EBF1: variants seen among roughly 807,000 people sequenced by gnomAD.
EBF1 encodes transcription factor COE1.
Under a neutral mutation model 68.4 loss-of-function variants are expected in EBF1, and 10 were observed. That is an observed-to-expected ratio of 0.15 (90% CI 0.09 to 0.25). The LOEUF (loss-of-function observed/expected upper bound fraction) is 0.25, where lower values mean the gene tolerates loss of function less well. Among genes scored for constraint, EBF1 ranks in the 10% least tolerant of loss-of-function variants. The probability of loss-of-function intolerance (pLI) is 1.00; values close to 1 mark genes in which losing one functional copy is unlikely to be tolerated. For missense variants in EBF1, 509 were observed against 794.4 expected, an observed-to-expected ratio of 0.64 and a Z score of 4.32; for synonymous variants, 298 against 299.8, an observed-to-expected ratio of 0.99 and a Z score of 0.06.
rs3220206 is a variant in EBF1, at chr5:158,775,745, A to AACACAC, written c.1036+1662_1036+1667dup. Reference sequence around the variant, plus strand: ...TGCAGCCCCATAATGAGACTTGTAAAACACACACACACACACACACACACA... The same window carrying AACACAC: ...TGCAGCCCCATAATGAGACTTGTAAAACACACACACACACACACACACACACACACA... On this transcript the variant is annotated intron_variant, in intron 10 of 15. Transcript: ENST00000313708. Among the ~76,000 whole-genome samples the AACACAC allele has an allele frequency of 2.9e-3, 398 of 137,692 alleles. 1 individual carries two copies. The highest frequency in any genetic ancestry group is 4.0e-3 in the Non-Finnish European group (258 of 64,700). 90.3% of individuals were successfully genotyped at this position (137,692 alleles called of 152,430 possible). A position where few individuals can be genotyped will look rare whatever the true frequency, so the allele number is the denominator to read the frequency against.
At chr5:158,947,273 C>T (rs1211157224) in intron 6 of EBF1, among the ~76,000 whole-genome samples, 1 of 152,098 alleles carries the variant, frequency 6.6e-6, no homozygotes, top group Non-Finnish European at 1.5e-5. Context: ...TCGGTGTCTA[C>T]CCAAAGGGCC....
In EBF1 at chr5:158,858,880, G is replaced by A. The variant is rs562650563; in HGVS notation, c.555-18770C>T. Among the ~76,000 whole-genome samples, 130 of 152,258 alleles carry A rather than the reference G, an allele frequency of 8.5e-4. 2 individuals are homozygous for A. The highest frequency in any genetic ancestry group is 1.4e-3 in the Non-Finnish European group (98 of 68,006). On this transcript the variant is annotated intron_variant, in intron 6 of 15. Transcript: ENST00000313708. Reference sequence around the variant, plus strand: ...GGGAAGGTAAAGCCCTCCTAATGAGGTCAGGGGTGGGGCCGGGTGAGTGAC... The same window carrying A: ...GGGAAGGTAAAGCCCTCCTAATGAGATCAGGGGTGGGGCCGGGTGAGTGAC...
chr5:158,870,905 C>A (rs1279695139), intron 6 of EBF1, among the ~76,000 whole-genome samples: 2 of 152,144 alleles, frequency 1.3e-5, no homozygotes, highest in Admixed American at 1.3e-4. Flanking sequence ...CTTGATGAAA[C>A]AAGATAGCTG....
chr5:158,713,142 G>C lies in EBF1; in HGVS notation c.1197C>G (p.Ile399Met). The change falls in exon 13 of 16, where the codon ATC (isoleucine) becomes ATG (methionine). Residue 399 changes from isoleucine (I) to methionine (M), a missense_variant. This residue lies in a region of EBF1 where 230 missense variants were observed against 467.7 expected (regional missense o/e 0.49). Transcript: ENST00000313708. ...CAATGTCGGCCGCTCTCTTCAGAAT[G>C]ATTTCCTGAAAAGTCAAAGGAATAT... The part of the protein sequence containing the change: ...LYGMPHNNQE[I>M]ILKRAADIAE... 1 of 1,470,408 alleles carries C rather than the reference G, an allele frequency of 6.8e-7. No individual in the cohort carries two copies. Among genetic ancestry groups the C allele is most frequent in the Non-Finnish European group, 9.1e-7 (1 of 1,102,016 alleles). The allele number at this position is 1,470,408 out of a possible 1,614,324, so 91.1% of individuals were successfully genotyped here.
chr5:158,903,961 C>T (rs1804002533), intron 6 of EBF1, among the ~76,000 whole-genome samples: 1 of 151,936 alleles, frequency 6.6e-6, no homozygotes. Context: ...GTAAAAGACC[C>T]GGTAATCTAG....
intron 6 of EBF1, among the ~76,000 whole-genome samples, chr5:158,943,331 TACACACACAC>T (rs59821779): frequency 0.44 from 66,333 of 149,294 alleles, 15,193 homozygotes; most frequent in South Asian, 0.66. Context: ...GTTTATTGGA[TACACACACAC>T]ACACACACAC....
intron 10 of EBF1, among the ~76,000 whole-genome samples, chr5:158,733,853 G>A (rs1003812289): frequency 3.1e-4 from 47 of 152,072 alleles, no homozygotes; most frequent in Non-Finnish European, 2.2e-4. Flanking sequence ...AAATCCAAAG[G>A]AACCTGATGA....
chr5:158,866,219 C>G (rs1795839213), intron 6 of EBF1, among the ~76,000 whole-genome samples: 1 of 152,184 alleles, frequency 6.6e-6, no homozygotes, highest in Non-Finnish European at 1.5e-5. Flanking sequence ...GCCTCTTGAT[C>G]TCCTTCAAAG....
chr5:158,960,408 T>C (rs748211193), intron 6 of EBF1, among the ~76,000 whole-genome samples: 4 of 151,932 alleles, frequency 2.6e-5, no homozygotes, highest in Non-Finnish European at 5.9e-5. Context: ...AAAATATAGG[T>C]GAAGATTTAT....
At chr5:159,089,572 G>A (rs1391484931) in intron 4 of EBF1, among the ~76,000 whole-genome samples, 1 of 152,134 alleles carries the variant, frequency 6.6e-6, no homozygotes, top group Admixed American at 6.6e-5. Flanking sequence ...ACAGAGAATT[G>A]AACATGGTTT....
intron 6 of EBF1, among the ~76,000 whole-genome samples, chr5:159,046,048 T>C (rs1484637449): frequency 6.6e-6 from 1 of 152,172 alleles, no homozygotes; most frequent in African/African-American, 2.4e-5. Context: ...ACTTCCCAAA[T>C]TGATCTCCTT....
At chr5:158,920,482 A>G (rs1244663903) in intron 6 of EBF1, among the ~76,000 whole-genome samples, 2 of 152,172 alleles carry the variant, frequency 1.3e-5, no homozygotes, top group Non-Finnish European at 2.9e-5. Flanking sequence ...CTTTGTACCT[A>G]CTGGACACAT....
chr5:159,079,425 CTGTCACTACT>C (rs1779353693), intron 5 of EBF1, among the ~76,000 whole-genome samples: 1 of 152,160 alleles, frequency 6.6e-6, no homozygotes, highest in Admixed American at 6.5e-5. Flanking sequence ...ATAAGAGTCC[CTGTCACTACT>C]TGCCATTTCA....
intron 6 of EBF1, among the ~76,000 whole-genome samples, chr5:158,950,478 AT>A (rs1414585409): frequency 1.3e-5 from 2 of 152,222 alleles, no homozygotes; most frequent in Non-Finnish European, 2.9e-5. Flanking sequence ...AAAGAAGTGG[AT>A]TTGTGTGAGA....
At chr5:158,757,351 C>A (rs1400632957) in intron 10 of EBF1, among the ~76,000 whole-genome samples, 1 of 152,142 alleles carries the variant, frequency 6.6e-6, no homozygotes, top group African/African-American at 2.4e-5. Context: ...TGCATCAAGT[C>A]AGACTTTAAC....
intron 11 of EBF1, among the ~76,000 whole-genome samples, chr5:158,722,562 T>C (rs1346979544): frequency 6.6e-6 from 1 of 152,222 alleles, no homozygotes; most frequent in Non-Finnish European, 1.5e-5. Flanking sequence ...GAAACTTGAG[T>C]GACACGTTCC....
chr5:158,991,538 G>A (rs553365102), intron 6 of EBF1, among the ~76,000 whole-genome samples: 3 of 152,202 alleles, frequency 2.0e-5, no homozygotes, highest in African/African-American at 4.8e-5. Context: ...GAAGAAGCGC[G>A]CACACACAAT....
At chr5:158,769,168 C>T (rs1050219551) in intron 10 of EBF1, among the ~76,000 whole-genome samples, 13 of 152,250 alleles carry the variant, frequency 8.5e-5, no homozygotes, top group African/African-American at 1.9e-4. Flanking sequence ...TCCTACTGTA[C>T]GGTTTCATTG....
At chr5:158,775,783 GACACACACAC>G (rs58752245) in intron 10 of EBF1, among the ~76,000 whole-genome samples, 2,063 of 129,546 alleles carry the variant, frequency 0.016, 23 homozygotes, top group South Asian at 0.02. Context: ...CATGCACACA[GACACACACAC>G]ACACACACAC....
Sources: gnomAD v4.1 joint callset for allele counts (sites outside exome capture counted in the v4.1 genomes callset) on GRCh38, gnomAD v4.1.1 for gene constraint, gnomAD v4.1.1 regional missense constraint, MANE v1.5 for transcripts, NCBI Gene and HGNC (gene_info 2026-07-23, HGNC 2026-07-21) for gene names.